Variants in IQGAP2 observed in about 807,000 individuals in gnomAD.
The protein encoded by IQGAP2 is ras GTPase-activating-like protein IQGAP2.
IQGAP2 carries 173 observed loss-of-function variants against 201.3 expected under a neutral mutation model. The observed-to-expected ratio is 0.86, with a 90% confidence interval of 0.76 to 0.98. The LOEUF is 0.98. Among genes scored for constraint, IQGAP2 ranks in the 50% least tolerant of loss-of-function variants. The pLI is 0.00. For synonymous variants in IQGAP2, 675 were observed against 673.9 expected, an observed-to-expected ratio of 1.00 and a Z score of -0.03; for missense variants, 1,687 against 1,864.8, an observed-to-expected ratio of 0.90 and a Z score of 1.76.
At chr5:76,628,816 A>G (rs1750464410) in intron 14 of IQGAP2, 1 of 422,696 alleles carries the variant, frequency 2.4e-6, no homozygotes, top group African/African-American at 2.1e-5. Flanking sequence ...CCTTTCTAGC[A>G]CGCCTTAAGA....
chr5:76,596,684 G>T (rs1311981616), intron 9 of IQGAP2, among the ~76,000 whole-genome samples: 1 of 152,180 alleles, frequency 6.6e-6, no homozygotes, highest in African/African-American at 2.4e-5. Context: ...CCCAAAGCAG[G>T]AGGAATAGAG....
At chr5:76,689,255 A>AAAAC (rs1340097664) in intron 30 of IQGAP2, among the ~76,000 whole-genome samples, 4 of 149,182 alleles carry the variant, frequency 2.7e-5, no homozygotes, top group African/African-American at 9.8e-5. Flanking sequence ...AAAAAAAAAA[A>AAAAC]ACCTGGTCGA....
chr5:76,562,498 C>T lies in IQGAP2; in HGVS notation c.249C>T (p.Ala83=). Residue 83 remains alanine, a synonymous_variant, in exon 3 of 36, where the codon GCC becomes GCT. Coordinates refer to ENST00000274364, the MANE Select transcript of IQGAP2 (RefSeq NM_006633.5). ...VYLAKLAKFF[A]PKMVSEKKIY... ...TTGCAAAGTTAGCCAAGTTCTTTGC[C>T]CCGAAAATGGTATCAGAGAAAAAGA... The T allele has an allele frequency of 6.2e-7, 1 of 1,613,720 alleles. No individual in the cohort carries two copies. Among genetic ancestry groups the T allele is most frequent in the Non-Finnish European group, 8.5e-7 (1 of 1,179,812 alleles).
intron 17 of IQGAP2, among the ~76,000 whole-genome samples, chr5:76,645,419 G>A (rs1160776410): frequency 6.6e-6 from 1 of 152,156 alleles, no homozygotes; most frequent in Non-Finnish European, 1.5e-5. Context: ...TTGAGGAATT[G>A]CCACACTGTC....
At chr5:76,466,961 G>C (rs1031459486) in intron 2 of IQGAP2, among the ~76,000 whole-genome samples, 7 of 152,104 alleles carry the variant, frequency 4.6e-5, no homozygotes, top group Non-Finnish European at 1.0e-4. Flanking sequence ...ATATACAAAG[G>C]GTTCTTAAGT....
chr5:76,693,542 C>G, intron 31 of IQGAP2, 100 bp downstream of exon 31: 2 of 800,444 alleles, frequency 2.5e-6, no homozygotes, highest in Non-Finnish European at 4.1e-6. Context: ...CTGTATCTGA[C>G]ATGGTCCGGA....
At chr5:76,626,452 G>A (rs1294909315) in intron 13 of IQGAP2, among the ~76,000 whole-genome samples, 1 of 151,558 alleles carries the variant, frequency 6.6e-6, no homozygotes, top group Non-Finnish European at 1.5e-5. Flanking sequence ...TGTATTTTTA[G>A]TAGAGATGAG....
In IQGAP2 at chr5:76,562,375, T is replaced by TA. The variant is rs1744440207; in HGVS notation, c.147-21_147-20insA. On this transcript the variant is annotated intron_variant, in intron 2 of 35. Transcript: ENST00000274364. ...TTACCCAACTGGAATCACTTTAATA[T>TA]TTTTTTTTTAATCTCTTTAGGTGGA... 12 of 1,102,018 alleles carry TA rather than the reference T, an allele frequency of 1.1e-5. 1 individual carries two copies. The South Asian group carries it at 1.3e-4, about 12-fold the overall frequency. 68.3% of individuals were successfully genotyped at this position (1,102,018 alleles called of 1,614,324 possible).
At chr5:76,561,506 A>ATCC (rs1744363181) in intron 2 of IQGAP2, among the ~76,000 whole-genome samples, 1 of 152,104 alleles carries the variant, frequency 6.6e-6, no homozygotes, top group Admixed American at 6.5e-5. Context: ...TAATAGTTGG[A>ATCC]TTTGTAGATC....
intron 2 of IQGAP2, among the ~76,000 whole-genome samples, chr5:76,505,045 G>C (rs966931335): frequency 1.5e-4 from 23 of 152,150 alleles, no homozygotes; most frequent in Non-Finnish European, 2.2e-4. Context: ...CCTCTGGGGA[G>C]GCTTCCCTTG....
At chr5:76,452,050 T>A (rs756630987) in intron 1 of IQGAP2, among the ~76,000 whole-genome samples, 1 of 151,604 alleles carries the variant, frequency 6.6e-6, no homozygotes, top group Non-Finnish European at 1.5e-5. Flanking sequence ...AAGAAAAAAA[T>A]TTAATCTCTT....
intron 2 of IQGAP2, among the ~76,000 whole-genome samples, chr5:76,489,868 C>G (rs959498313): frequency 3.6e-4 from 55 of 152,172 alleles, no homozygotes; most frequent in Non-Finnish European, 7.1e-4. Flanking sequence ...TTTCCCTTTT[C>G]ACCTCCCCTG....
At chr5:76,510,586 A>C (rs114266384) in intron 2 of IQGAP2, 1 of 486,562 alleles carries the variant, frequency 2.1e-6, no homozygotes, top group African/African-American at 2.0e-5. Flanking sequence ...GGAAGGACCC[A>C]GACAGTGTGC....
Position 76,523,271 on chromosome 5 carries a change from G to T in IQGAP2, c.147-39125G>T, listed in dbSNP as rs374435654. Among the ~76,000 whole-genome samples the T allele has an allele frequency of 2.6e-5, 4 of 151,514 alleles. No homozygotes were observed. The South Asian group carries it at 6.3e-4, about 24-fold the overall frequency. ...TGCTAATTTAAAAAAAAAAAATTTTGTAAGGGGGAGAGTCTCTCTATGCTG... is the reference window on the plus strand; with the variant it reads ...TGCTAATTTAAAAAAAAAAAATTTTTTAAGGGGGAGAGTCTCTCTATGCTG... On this transcript the variant is annotated intron_variant, in intron 2 of 35. Coordinates refer to ENST00000274364, the MANE Select transcript of IQGAP2 (RefSeq NM_006633.5).
chr5:76,625,879 G>A lies in IQGAP2; in HGVS notation c.1522-1531G>A, dbSNP rs77552570. ...ACTTATTCCTACACATAGGTAAAAT[G>A]TTCCCATTTGTTAAATGTCACATGT... On this transcript the variant is annotated intron_variant, in intron 13 of 35. Transcript: ENST00000274364. 8.8e-3 allele frequency among the ~76,000 whole-genome samples: 1,345 copies of A among 152,222 alleles called. 17 individuals are homozygous for A. The highest frequency in any genetic ancestry group is 0.031 in the African/African-American group (1,279 of 41,504).
intron 30 of IQGAP2, among the ~76,000 whole-genome samples, chr5:76,692,638 G>A (rs1056585268): frequency 2.0e-5 from 3 of 152,138 alleles, no homozygotes; most frequent in Non-Finnish European, 2.9e-5. Context: ...TACGGTTTTC[G>A]TACTTCCAGA....
chr5:76,499,586 T>G (rs534731023), intron 2 of IQGAP2, among the ~76,000 whole-genome samples: 20 of 152,182 alleles, frequency 1.3e-4, no homozygotes, highest in Non-Finnish European at 2.9e-5. Context: ...TTTTAAAGCA[T>G]GGCATCACAC....
chr5:76,592,740 G>T lies in IQGAP2; in HGVS notation c.820-98G>T, dbSNP rs1373064405. On this transcript the variant is annotated intron_variant, in intron 8 of 35. Transcript: ENST00000274364. ...CTTGCAATGAATTTAAATAATTAGG[G>T]AATGGTTTTTGTCACTCTTCACATT... The T allele has an allele frequency of 1.0e-5, 8 of 792,874 alleles. No individual in the cohort carries two copies. The East Asian group carries it at 2.0e-4, about 20-fold the overall frequency. 49.1% of individuals were successfully genotyped at this position (792,874 alleles called of 1,614,324 possible).
Position 76,664,114 on chromosome 5 carries a change from C to G in IQGAP2, c.2530-912C>G, listed in dbSNP as rs528177713. Reference sequence around the variant, plus strand: ...TGGTGCAAGAGGCCTAGCATTACGCCTGTCCTAGCTTTTGATATGCCTTCT... The same window carrying G: ...TGGTGCAAGAGGCCTAGCATTACGCGTGTCCTAGCTTTTGATATGCCTTCT... On this transcript the variant is annotated intron_variant, in intron 21 of 35. Coordinates refer to ENST00000274364, the MANE Select transcript of IQGAP2 (RefSeq NM_006633.5). 2.4e-3 allele frequency among the ~76,000 whole-genome samples: 372 copies of G among 152,316 alleles called. 1 individual carries two copies. The highest frequency in any genetic ancestry group is 4.1e-3 in the Non-Finnish European group (280 of 68,030).
Sources: gnomAD v4.1 joint callset for allele counts (sites outside exome capture counted in the v4.1 genomes callset) on GRCh38, gnomAD v4.1.1 for gene constraint, MANE v1.5 for transcripts, NCBI Gene and HGNC (gene_info 2026-07-23, HGNC 2026-07-21) for gene names.